SLC41A2: variants seen among roughly 807,000 people sequenced by gnomAD.
SLC41A2 encodes the protein solute carrier family 41 member 2.
Under a neutral mutation model 58.3 loss-of-function variants are expected in SLC41A2, and 32 were observed. The ratio of observed to expected loss-of-function variants is 0.55; its 90% CI spans 0.41 to 0.74. The LOEUF is 0.74. Among genes scored for constraint, SLC41A2 ranks in the 30% least tolerant of loss-of-function variants. SLC41A2 has a pLI of 0.00. For missense variants in SLC41A2, 514 were observed against 680.6 expected (o/e 0.76, Z 2.72); for synonymous variants, 190 against 235.0 (o/e 0.81, Z 1.75).
chr12:104,834,762 A>C (rs2042152077), intron 10 of SLC41A2, among the ~76,000 whole-genome samples: 1 of 152,206 alleles, frequency 6.6e-6, no homozygotes, highest in Non-Finnish European at 1.5e-5. Context: ...ACTGCTGTGC[A>C]AAAAGGAAGC....
At chr12:104,905,854 G>A (rs1033925022) in intron 3 of SLC41A2, among the ~76,000 whole-genome samples, 10 of 152,336 alleles carry the variant, frequency 6.6e-5, no homozygotes, top group African/African-American at 1.9e-4. Flanking sequence ...CAGCTGGCCC[G>A]CAAGCGCCGC....
intron 10 of SLC41A2, among the ~76,000 whole-genome samples, chr12:104,841,183 A>G (rs1230010072): frequency 1.3e-5 from 2 of 152,168 alleles, no homozygotes; most frequent in Non-Finnish European, 2.9e-5. Flanking sequence ...TAAACATTTC[A>G]GTAAAACCTT....
chr12:104,816,013 A>G (rs2041387411), intron 10 of SLC41A2, among the ~76,000 whole-genome samples: 1 of 151,966 alleles, frequency 6.6e-6, no homozygotes, highest in South Asian at 2.1e-4. Context: ...TATTATCTCT[A>G]TTTTCAGAAG....
At chr12:104,869,073 C>T (rs949140698) in intron 6 of SLC41A2, among the ~76,000 whole-genome samples, 2 of 152,136 alleles carry the variant, frequency 1.3e-5, no homozygotes, top group African/African-American at 4.8e-5. Context: ...AATCTTGGCT[C>T]AGTGCAGCCT....
chr12:104,866,358 A>C, intron 7 of SLC41A2, 74 bp downstream of exon 7: 1 of 1,422,968 alleles, frequency 7.0e-7, no homozygotes. Context: ...TGCTTATAGA[A>C]GACACACAAA....
At chr12:104,808,156 G>T (rs1452814775) in intron 10 of SLC41A2, among the ~76,000 whole-genome samples, 3 of 152,056 alleles carry the variant, frequency 2.0e-5, no homozygotes, top group Non-Finnish European at 4.4e-5. Flanking sequence ...GTTTTCAAAG[G>T]GAATGCTTCC....
intron 1 of SLC41A2, among the ~76,000 whole-genome samples, chr12:104,929,953 G>A (rs749768784): frequency 2.6e-5 from 4 of 152,198 alleles, no homozygotes; most frequent in Non-Finnish European, 4.4e-5. Context: ...GAAAGAGAAG[G>A]GGCTATGTAG....
At chr12:104,881,604 A>G (rs2044373506) in intron 6 of SLC41A2, among the ~76,000 whole-genome samples, 1 of 152,154 alleles carries the variant, frequency 6.6e-6, no homozygotes, top group Non-Finnish European at 1.5e-5. Context: ...CAGGTTGTTC[A>G]GTTTCCATGT....
At chr12:104,823,384 CAAGTT>C (rs1404463425) in intron 10 of SLC41A2, among the ~76,000 whole-genome samples, 1 of 151,786 alleles carries the variant, frequency 6.6e-6, no homozygotes, top group Non-Finnish European at 1.5e-5. Flanking sequence ...AAATCAACAA[CAAGTT>C]AAGGCTCAAA....
chr12:104,866,369 G>A (rs2043445065), intron 7 of SLC41A2, 63 bp downstream of exon 7: 1 of 1,380,362 alleles, frequency 7.2e-7, no homozygotes, highest in Non-Finnish European at 9.4e-7. Flanking sequence ...GACACACAAA[G>A]ACAGACAGAC....
chr12:104,907,676 T>C (rs190626135), intron 3 of SLC41A2, among the ~76,000 whole-genome samples: 173 of 152,306 alleles, frequency 1.1e-3, no homozygotes, highest in African/African-American at 4.1e-3. Context: ...AAAGGAACAT[T>C]CTGGAATGTG....
chr12:104,928,375 C>T lies in SLC41A2; in HGVS notation c.153G>A (p.Gln51=), dbSNP rs909520091. 2 of 1,593,172 alleles carry T rather than the reference C, an allele frequency of 1.3e-6. No individual in the cohort carries two copies. Among genetic ancestry groups the T allele is most frequent in the Non-Finnish European group, 1.7e-6 (2 of 1,168,106 alleles). Residue 51 remains glutamine, a synonymous_variant, in exon 2 of 11, where the codon CAG becomes CAA. Transcript: ENST00000258538. ...TTTTGTGCCTGTCTTCTTGGTTTTTCTGGTAAATCACTGGAACCATACTCA... is the reference window on the plus strand; with the variant it reads ...TTTTGTGCCTGTCTTCTTGGTTTTTTTGGTAAATCACTGGAACCATACTCA... The part of the protein sequence containing the change: ...LLLSMVPVIY[Q]KNQEDRHKKA...
At chr12:104,822,302 C>A (rs533330878) in intron 10 of SLC41A2, among the ~76,000 whole-genome samples, 17 of 152,294 alleles carry the variant, frequency 1.1e-4, no homozygotes, top group African/African-American at 3.8e-4. Flanking sequence ...TATGTGCTCC[C>A]TTTTTGCCCA....
At chr12:104,889,837 C>T (rs1027319988) in intron 4 of SLC41A2, among the ~76,000 whole-genome samples, 2 of 152,046 alleles carry the variant, frequency 1.3e-5, no homozygotes, top group African/African-American at 4.8e-5. Flanking sequence ...TAACCTCAAA[C>T]TTTGTGATTT....
At chr12:104,899,504 G>A (rs893996425) in intron 3 of SLC41A2, among the ~76,000 whole-genome samples, 1 of 152,076 alleles carries the variant, frequency 6.6e-6, no homozygotes, top group Non-Finnish European at 1.5e-5. Context: ...CTCTCCCATA[G>A]AGTGAAGCAC....
intron 2 of SLC41A2, among the ~76,000 whole-genome samples, chr12:104,925,143 A>G (rs1174467798): frequency 1.3e-5 from 2 of 152,218 alleles, no homozygotes; most frequent in African/African-American, 4.8e-5. Context: ...GAGCTGGTTG[A>G]TAGTTACATG....
chr12:104,894,867 AAAAC>A (rs1312173037), intron 4 of SLC41A2, among the ~76,000 whole-genome samples: 1 of 152,198 alleles, frequency 6.6e-6, no homozygotes, highest in African/African-American at 2.4e-5. Context: ...CAAATTAAGG[AAAAC>A]AAACAAATAT....
intron 4 of SLC41A2, 147 bp from the exon 5 acceptor site, chr12:104,889,324 T>C: frequency 1.2e-6 from 1 of 848,230 alleles, no homozygotes; most frequent in Non-Finnish European, 1.8e-6. Flanking sequence ...AGTTACTATA[T>C]TTTGGTTTTA....
chr12:104,916,220 T>C (rs1222890895), intron 2 of SLC41A2, among the ~76,000 whole-genome samples: 1 of 152,156 alleles, frequency 6.6e-6, no homozygotes, highest in Non-Finnish European at 1.5e-5. Context: ...AAGATATTGA[T>C]CTAAAATTCT....
Sources: allele counts gnomAD v4.1 joint callset (sites outside exome capture counted in the v4.1 genomes callset), GRCh38; gene constraint gnomAD v4.1.1; transcripts MANE v1.5; gene names NCBI Gene and HGNC (gene_info 2026-07-23, HGNC 2026-07-21).